Variants in PSTPIP2 observed in about 807,000 individuals in gnomAD.
The protein encoded by PSTPIP2 is proline-serine-threonine phosphatase interacting protein 2.
A neutral mutation model predicts 63.3 loss-of-function variants in PSTPIP2; 33 were observed. That is an observed-to-expected ratio of 0.52 (90% confidence interval 0.40 to 0.70). The LOEUF (loss-of-function observed/expected upper bound fraction) is 0.70. Ranked by LOEUF, PSTPIP2 falls within the 30% of genes least tolerant of loss-of-function variation. The pLI is 0.00. For missense variants in PSTPIP2, 312 were observed against 400.7 expected (o/e 0.78, Z 1.89); for synonymous variants, 125 against 132.7 (o/e 0.94, Z 0.40).
intron 2 of PSTPIP2, among the ~76,000 whole-genome samples, chr18:46,035,246 C>A (rs1268374284): frequency 6.6e-6 from 1 of 151,932 alleles, no homozygotes; most frequent in Non-Finnish European, 1.5e-5. Context: ...CCAGGAAAAA[C>A]CCCATCTTTA....
At chr18:46,026,623 C>A (rs575718169) in intron 2 of PSTPIP2, among the ~76,000 whole-genome samples, 3 of 152,328 alleles carry the variant, frequency 2.0e-5, no homozygotes, top group African/African-American at 7.2e-5. Flanking sequence ...TGCCTGTAAT[C>A]CCAGCACTTT....
At chr18:45,995,941 A>T (rs931809736) in intron 9 of PSTPIP2, among the ~76,000 whole-genome samples, 1 of 152,110 alleles carries the variant, frequency 6.6e-6, no homozygotes, top group Non-Finnish European at 1.5e-5. Context: ...TCAGCCTCCC[A>T]AGTAGCTGGG....
In PSTPIP2 at chr18:46,015,884, TA is replaced by T. The variant is rs11349070; in HGVS notation, c.247+18del. ...TGTCAAGGGCAGTGAATACATTTTT[TA>T]AAAAAAAAATCACTTACGCTGCTTG... On this transcript the variant is annotated intron_variant, in intron 4 of 14. Coordinates refer to ENST00000409746, the MANE Select transcript of PSTPIP2 (RefSeq NM_024430.4). The T allele has an allele frequency of 0.21, 327,939 of 1,534,268 alleles. 40,883 individuals are homozygous for T. The highest frequency in any genetic ancestry group is 0.57 in the African/African-American group (41,678 of 73,470).
At chr18:46,029,105 G>C in intron 2 of PSTPIP2, 1 of 822,544 alleles carries the variant, frequency 1.2e-6, no homozygotes, top group Non-Finnish European at 2.2e-6. Flanking sequence ...CAAACTGTAA[G>C]GCTTATTTTA....
At chr18:46,036,533 T>C (rs916726939) in intron 2 of PSTPIP2, among the ~76,000 whole-genome samples, 1 of 152,226 alleles carries the variant, frequency 6.6e-6, no homozygotes, top group Non-Finnish European at 1.5e-5. Context: ...TATTTTTATA[T>C]GTCTACCCTG....
At chr18:45,993,039 A>G (rs995654839) in intron 10 of PSTPIP2, among the ~76,000 whole-genome samples, 1 of 151,936 alleles carries the variant, frequency 6.6e-6, no homozygotes, top group East Asian at 1.9e-4. Flanking sequence ...ATTTACTATT[A>G]ATTTTTTAAA....
At chr18:46,044,469 A>G (rs1041262212) in intron 1 of PSTPIP2, among the ~76,000 whole-genome samples, 1 of 152,204 alleles carries the variant, frequency 6.6e-6, no homozygotes, top group African/African-American at 2.4e-5. Flanking sequence ...AGAAAGGTGA[A>G]ACTGGATCCC....
intron 1 of PSTPIP2, among the ~76,000 whole-genome samples, chr18:46,067,540 C>T (rs1909237142): frequency 6.6e-6 from 1 of 151,772 alleles, no homozygotes; most frequent in African/African-American, 2.4e-5. Flanking sequence ...AAAGCTGCCT[C>T]CATAAATAGC....
At chr18:46,026,290 T>C (rs1182896727) in intron 2 of PSTPIP2, among the ~76,000 whole-genome samples, 1 of 152,214 alleles carries the variant, frequency 6.6e-6, no homozygotes. Context: ...AAGGAAGAAC[T>C]TCTTTTTGAA....
chr18:46,036,253 A>G (rs995862481), intron 2 of PSTPIP2, among the ~76,000 whole-genome samples: 1 of 151,504 alleles, frequency 6.6e-6, no homozygotes, highest in Non-Finnish European at 1.5e-5. Context: ...CAATTATTGT[A>G]ACAATTAATT....
At chr18:46,011,603 C>T (rs972651376) in intron 4 of PSTPIP2, among the ~76,000 whole-genome samples, 3 of 152,178 alleles carry the variant, frequency 2.0e-5, no homozygotes, top group African/African-American at 7.2e-5. Flanking sequence ...TTACCAAAGC[C>T]AGCACAATTT....
chr18:46,067,092 C>T (rs2144139101), intron 1 of PSTPIP2, among the ~76,000 whole-genome samples: 1 of 151,436 alleles, frequency 6.6e-6, no homozygotes, highest in African/African-American at 2.4e-5. Context: ...GGCTGCTCTA[C>T]AAAGAATGTA....
chr18:46,017,874 G>A (rs1200462869), intron 3 of PSTPIP2, among the ~76,000 whole-genome samples: 4 of 151,926 alleles, frequency 2.6e-5, no homozygotes, highest in East Asian at 1.9e-4. Flanking sequence ...CCTCCTAACC[G>A]AAATTTTGTA....
At chr18:46,055,496 AT>A (rs1338821434) in intron 1 of PSTPIP2, among the ~76,000 whole-genome samples, 3 of 151,778 alleles carry the variant, frequency 2.0e-5, no homozygotes, top group Non-Finnish European at 2.9e-5. Flanking sequence ...AATATTTTGT[AT>A]TTTTTTCGTT....
At chr18:46,059,217 A>G (rs1397996510) in intron 1 of PSTPIP2, among the ~76,000 whole-genome samples, 1 of 151,418 alleles carries the variant, frequency 6.6e-6, no homozygotes, top group Non-Finnish European at 1.5e-5. Flanking sequence ...TCATATTTTT[A>G]ATGGAGACAG....
chr18:45,993,629 T>C lies in PSTPIP2; in HGVS notation c.717A>G (p.Ser239=). The change falls in exon 10 of 15, where the codon TCA becomes TCG. Residue 239 remains serine (S), a synonymous_variant. Coordinates refer to ENST00000409746, the MANE Select transcript of PSTPIP2 (RefSeq NM_024430.4). ...NALWLHVNQL[S]QQCVTSDEMY... ...CTTCATCACTGGTGACACATTGTTG[T>C]GACAGCTGATTCACATGTAACCACA... is the stretch of plus-strand genomic sequence containing the variant. 6.2e-7 allele frequency: 1 copy of C among 1,614,156 alleles called. No individual in the cohort carries two copies. The highest frequency in any genetic ancestry group is 1.3e-5 in the African/African-American group (1 of 75,060).
At chr18:46,005,423 G>T (rs771175232) in intron 6 of PSTPIP2, 46 bp downstream of exon 6, 1 of 1,461,772 alleles carries the variant, frequency 6.8e-7, no homozygotes, top group Non-Finnish European at 9.5e-7. Flanking sequence ...CAGGATTTCA[G>T]AAAATGTCAC....
chr18:45,989,318 G>A (rs1489592812), intron 13 of PSTPIP2, among the ~76,000 whole-genome samples: 2 of 152,118 alleles, frequency 1.3e-5, no homozygotes, highest in African/African-American at 4.8e-5. Context: ...CCCCCACAAT[G>A]TTGTCCTGGT....
chr18:46,029,168 T>A (rs1374358238), intron 2 of PSTPIP2: 1 of 963,460 alleles, frequency 1.0e-6, no homozygotes, highest in Non-Finnish European at 1.7e-6. Context: ...AGGTTTTTTA[T>A]GTCTATGACA....
Sources: allele counts gnomAD v4.1 joint callset (sites outside exome capture counted in the v4.1 genomes callset), GRCh38; gene constraint gnomAD v4.1.1; transcripts MANE v1.5; gene names NCBI Gene and HGNC (gene_info 2026-07-23, HGNC 2026-07-21).